SLC25A13: variants seen among roughly 807,000 people sequenced by gnomAD.
The protein encoded by SLC25A13 is solute carrier family 25 member 13, also known as electrogenic aspartate/glutamate antiporter SLC25A13, mitochondrial.
In SLC25A13, 70 loss-of-function variants were observed where a neutral mutation model predicts 85.5. That is an observed-to-expected ratio of 0.82 (90% CI 0.68 to 1.00). The LOEUF is 1.00. SLC25A13 is among the 50% of genes least tolerant of loss of function. The probability of loss-of-function intolerance (pLI) is 0.00; values close to 1 mark genes in which losing one functional copy is unlikely to be tolerated. For missense variants in SLC25A13, 765 were observed against 819.8 expected (o/e 0.93, Z 0.82); for synonymous variants, 259 against 288.7 (o/e 0.90, Z 1.04).
Position 96,184,369 on chromosome 7 carries a change from G to A in SLC25A13, c.1085C>T (p.Thr362Ile). The A allele has an allele frequency of 6.2e-7, 1 of 1,614,162 alleles. No individual in the cohort carries two copies. Among genetic ancestry groups the A allele is most frequent in the South Asian group, 1.1e-5 (1 of 91,080 alleles). The change falls in exon 11 of 18, where the codon ACT becomes ATT. Residue 362 changes from threonine to isoleucine, a missense_variant. Transcript: ENST00000265631. Reference protein sequence around the residue: ...VKTRMQNQRSTGSFVGELMYK... With the variant: ...VKTRMQNQRSIGSFVGELMYK... Reference sequence around the variant, plus strand: ...CATGAGTTCTCCCACAAAAGAGCCAGTTGATCGTTGGTTCTGCATTCGAGT... The same window carrying A: ...CATGAGTTCTCCCACAAAAGAGCCAATTGATCGTTGGTTCTGCATTCGAGT...
intron 5 of SLC25A13, among the ~76,000 whole-genome samples, chr7:96,200,236 C>A (rs1795202863): frequency 6.6e-6 from 1 of 152,018 alleles, no homozygotes; most frequent in Admixed American, 6.6e-5. Context: ...TAGAAGAATT[C>A]TGGGCAAAAT....
At chr7:96,295,696 G>T (rs1045551629) in intron 2 of SLC25A13, among the ~76,000 whole-genome samples, 6 of 152,086 alleles carry the variant, frequency 3.9e-5, no homozygotes, top group Non-Finnish European at 2.9e-5. Flanking sequence ...ACATTGTGAT[G>T]AGGAAAGAGA....
intron 3 of SLC25A13, among the ~76,000 whole-genome samples, chr7:96,242,187 G>A (rs1258984237): frequency 6.6e-6 from 1 of 152,162 alleles, no homozygotes; most frequent in East Asian, 1.9e-4. Flanking sequence ...TGGCAGAGAT[G>A]AAAGTAAAAT....
chr7:96,319,120 C>A (rs146074953), intron 1 of SLC25A13, among the ~76,000 whole-genome samples: 1 of 152,140 alleles, frequency 6.6e-6, no homozygotes, highest in Non-Finnish European at 1.5e-5. Context: ...CATTGAGGGA[C>A]CTTTTAAGGC....
At chr7:96,181,788 T>C (rs1447798874) in intron 11 of SLC25A13, among the ~76,000 whole-genome samples, 1 of 152,198 alleles carries the variant, frequency 6.6e-6, no homozygotes. Context: ...AGATGTACTC[T>C]GATACCTTCT....
chr7:96,169,569 G>T (rs570470652), intron 13 of SLC25A13, among the ~76,000 whole-genome samples: 16 of 152,284 alleles, frequency 1.1e-4, no homozygotes, highest in Non-Finnish European at 1.6e-4. Flanking sequence ...CACTCAGCCA[G>T]TTATTTCCCA....
intron 4 of SLC25A13, among the ~76,000 whole-genome samples, chr7:96,212,760 C>G (rs117813824): frequency 7.9e-5 from 12 of 152,070 alleles, no homozygotes; most frequent in African/African-American, 2.9e-4. Flanking sequence ...TTAAAGCCCC[C>G]GGGGCATGAT....
intron 13 of SLC25A13, among the ~76,000 whole-genome samples, chr7:96,153,594 AT>A (rs2116508631): frequency 6.6e-6 from 1 of 152,350 alleles, no homozygotes; most frequent in Non-Finnish European, 1.5e-5. Context: ...CGGGTTCTCT[AT>A]TAAGAGTCAC....
At chr7:96,238,900 G>A (rs1354159992) in intron 3 of SLC25A13, among the ~76,000 whole-genome samples, 2 of 151,260 alleles carry the variant, frequency 1.3e-5, no homozygotes, top group Non-Finnish European at 2.9e-5. Context: ...TTGGTTTCAT[G>A]GTCTGAATAA....
At chr7:96,169,376 T>A (rs904974716) in intron 13 of SLC25A13, among the ~76,000 whole-genome samples, 3 of 152,216 alleles carry the variant, frequency 2.0e-5, no homozygotes, top group Non-Finnish European at 4.4e-5. Context: ...TAACCAATCT[T>A]ATCTTTAAAT....
intron 15 of SLC25A13, among the ~76,000 whole-genome samples, chr7:96,124,260 C>A (rs909433185): frequency 6.6e-6 from 1 of 152,138 alleles, no homozygotes; most frequent in Non-Finnish European, 1.5e-5. Context: ...AAGGAAAGTG[C>A]TTTTCTTTTT....
intron 13 of SLC25A13, among the ~76,000 whole-genome samples, chr7:96,153,253 G>A (rs1004571551): frequency 2.6e-5 from 4 of 152,138 alleles, no homozygotes; most frequent in East Asian, 1.9e-4. Context: ...AAACAGAATC[G>A]AATTTGGCAC....
chr7:96,168,021 A>G (rs1174146357), intron 13 of SLC25A13, among the ~76,000 whole-genome samples: 1 of 137,540 alleles, frequency 7.3e-6, no homozygotes, highest in Non-Finnish European at 1.5e-5. Context: ...AATCGCTTGA[A>G]CCCGGGAGGT....
intron 12 of SLC25A13, among the ~76,000 whole-genome samples, chr7:96,170,694 C>G (rs1385830729): frequency 6.6e-6 from 1 of 152,090 alleles, no homozygotes; most frequent in Non-Finnish European, 1.5e-5. Flanking sequence ...ACAGTCATAT[C>G]TTTTTGGCAG....
Position 96,179,295 on chromosome 7 carries a change from G to A in SLC25A13, c.1177+4982C>T, listed in dbSNP as rs114080524. The stretch of plus-strand genomic sequence containing the variant: ...TACTGAGGTTTAATCTATCTCCCTT[G>A]TTTTAGTCTCAGCAACAGTAGCTGG... On this transcript the variant is annotated intron_variant, in intron 11 of 17. Transcript: ENST00000265631. Among the ~76,000 whole-genome samples the A allele has an allele frequency of 4.6e-3, 703 of 152,220 alleles. 4 individuals carry two copies. The highest frequency in any genetic ancestry group is 0.016 in the African/African-American group (675 of 41,524).
At position 96,121,682 on chromosome 7, in the gene SLC25A13, C is replaced by G; in HGVS notation, c.1814G>C (p.Arg605Pro). 1 of 1,614,122 alleles carries G rather than the reference C, an allele frequency of 6.2e-7. No homozygotes were observed. The highest frequency in any genetic ancestry group is 8.5e-7 in the Non-Finnish European group (1 of 1,180,018). The change falls in exon 17 of 18, where the codon CGA becomes CCA. Residue 605 changes from arginine (R) to proline (P), a missense_variant. Physicochemically the swap from Arg to Pro is moderately radical, Grantham distance 103 (BLOSUM62 -2). Transcript: ENST00000265631. ...VTLLTYELLQRWFYIDFGGVK... is the reference protein window; with the variant it reads ...VTLLTYELLQPWFYIDFGGVK... ...TCCTCCAAAATCAATGTAGAACCAT[C>G]GCTGTAGCAATTCGTAAGTCAGCAA...
At chr7:96,310,528 G>T (rs1331371667) in intron 1 of SLC25A13, among the ~76,000 whole-genome samples, 1 of 152,148 alleles carries the variant, frequency 6.6e-6, no homozygotes, top group Non-Finnish European at 1.5e-5. Flanking sequence ...CATTGTAAAG[G>T]TACTTTTTCC....
At chr7:96,238,145 T>C (rs955169175) in intron 3 of SLC25A13, among the ~76,000 whole-genome samples, 2 of 152,138 alleles carry the variant, frequency 1.3e-5, no homozygotes, top group African/African-American at 4.8e-5. Flanking sequence ...CCAATATGAC[T>C]GGAGTCTTTT....
At chr7:96,271,363 GA>G (rs1416709812) in intron 3 of SLC25A13, among the ~76,000 whole-genome samples, 2 of 151,916 alleles carry the variant, frequency 1.3e-5, no homozygotes, top group South Asian at 2.1e-4. Flanking sequence ...GAAATGAAAG[GA>G]AAAAAATAAC....
Sources: allele counts gnomAD v4.1 joint callset (sites outside exome capture counted in the v4.1 genomes callset), GRCh38; gene constraint gnomAD v4.1.1; transcripts MANE v1.5; gene names NCBI Gene and HGNC (gene_info 2026-07-23, HGNC 2026-07-21).